The following PRKDC variants were observed in gnomAD, a reference collection of about 807,000 sequenced individuals.
PRKDC encodes DNA-dependent protein kinase catalytic subunit.
In PRKDC, 82 loss-of-function variants were observed where a neutral mutation model predicts 486.9. That is an observed-to-expected ratio of 0.17 (90% confidence interval 0.14 to 0.20). PRKDC has a LOEUF of 0.20. Ranked by LOEUF, PRKDC falls within the 10% of genes least tolerant of loss-of-function variation. The probability of loss-of-function intolerance (pLI) is 1.00; values close to 1 mark genes in which losing one functional copy is unlikely to be tolerated. For missense variants in PRKDC, 4,504 were observed against 5,038.2 expected (o/e 0.89, Z 3.21); for synonymous variants, 1,895 against 1,837.0 (o/e 1.03, Z -0.81).
intron 56 of PRKDC, among the ~76,000 whole-genome samples, chr8:47,838,559 C>G (rs2088075910): frequency 1.3e-5 from 2 of 152,160 alleles, no homozygotes; most frequent in African/African-American, 4.8e-5. Flanking sequence ...CTACAGTGAG[C>G]TACAGTTACA....
chr8:47,853,204 C>T (rs1021092788), intron 51 of PRKDC, among the ~76,000 whole-genome samples: 2 of 152,212 alleles, frequency 1.3e-5, no homozygotes, highest in Non-Finnish European at 2.9e-5. Context: ...CAGGGAGCCA[C>T]CCATTCACTG....
In PRKDC at chr8:47,858,939, C is replaced by T. The variant is rs1347834712; in HGVS notation, c.6255G>A (p.Met2085Ile). ...TVHDDVLELE[M>I]DELNRHECMA... ...TGCACTCATGCCGATTGAGCTCGTC[C>T]ATCTCCAGCTCCAGCACATCATCAT... Residue 2085 changes from methionine (M) to isoleucine (I), a missense_variant, in exon 47 of 86, where the codon ATG becomes ATA. Transcript: ENST00000314191. 1 of 1,613,692 alleles carries T rather than the reference C, an allele frequency of 6.2e-7. No individual in the cohort carries two copies. Among genetic ancestry groups the T allele is most frequent in the Admixed American group, 1.7e-5 (1 of 60,024 alleles).
chr8:47,854,827 T>TA (rs2088495587), intron 50 of PRKDC, among the ~76,000 whole-genome samples: 1 of 152,226 alleles, frequency 6.6e-6, no homozygotes, highest in Non-Finnish European at 1.5e-5. Context: ...CTGGCAATTT[T>TA]ATCGCCCTCG....
chr8:47,829,639 A>C (rs1056535319), intron 61 of PRKDC, among the ~76,000 whole-genome samples: 19 of 152,186 alleles, frequency 1.2e-4, no homozygotes, highest in Middle Eastern at 3.2e-3. Flanking sequence ...ATTTTAGAAA[A>C]TATGGCTAAA....
Position 47,888,999 on chromosome 8 carries a change from G to C in PRKDC, c.4280+15C>G. ...TCCAGGACAACATGTCCCCGATTGTGACCCAAGTACCCACCTCTGTGCTGT... is the reference window on the plus strand; with the variant it reads ...TCCAGGACAACATGTCCCCGATTGTCACCCAAGTACCCACCTCTGTGCTGT... On this transcript the variant is annotated intron_variant, in intron 33 of 85. Transcript: ENST00000314191. The C allele has an allele frequency of 1.9e-6, 3 of 1,608,786 alleles. No individual in the cohort carries two copies. The highest frequency in any genetic ancestry group is 1.7e-6 in the Non-Finnish European group (2 of 1,175,684).
chr8:47,955,713 T>C (rs1475719740), intron 4 of PRKDC, among the ~76,000 whole-genome samples, 161 bp downstream of exon 4: 3 of 152,236 alleles, frequency 2.0e-5, no homozygotes, highest in East Asian at 3.9e-4. Context: ...GCCAGGGTAT[T>C]GTCAGGTGAT....
At chr8:47,883,243 G>C (rs1313437818) in intron 36 of PRKDC, among the ~76,000 whole-genome samples, 2 of 152,210 alleles carry the variant, frequency 1.3e-5, no homozygotes, top group African/African-American at 4.8e-5. Context: ...TCTGGTTCAA[G>C]TCTTGCAATG....
At position 47,929,937 on chromosome 8, in the gene PRKDC, T is replaced by G. The variant is rs375910031; in HGVS notation, c.1968A>C (p.Gln656His). Residue 656 changes from glutamine to histidine, a missense_variant, in exon 18 of 86, where the codon CAA becomes CAC. Around this residue, in one of 6 missense-constraint regions of PRKDC, gnomAD observed 1,969 missense variants for 2,068.9 expected, o/e 0.95. Transcript: ENST00000314191. The stretch of plus-strand genomic sequence containing the variant: ...CACTGATGAGGGGCAACCTTGTAGA[T>G]TGCAAAATTAATTCATATGAAAATG... Reference protein sequence around the residue: ...VYSFSYELILQSTRLPLISGF... With the variant: ...VYSFSYELILHSTRLPLISGF... The G allele has an allele frequency of 2.0e-5, 32 of 1,611,282 alleles. No homozygotes were observed. The African/African-American group carries it at 4.1e-4, about 21-fold the overall frequency.
Position 47,782,559 on chromosome 8 carries a change from T to C in PRKDC, c.11215A>G (p.Ile3739Val). 6.4e-7 allele frequency: 1 copy of C among 1,570,786 alleles called. No individual in the cohort carries two copies. Among genetic ancestry groups the C allele is most frequent in the Non-Finnish European group, 8.6e-7 (1 of 1,158,016 alleles). The change falls in exon 79 of 86, where the codon ATC becomes GTC. Residue 3739 changes from isoleucine (I) to valine (V), a missense_variant. Transcript: ENST00000314191. The surrounding 1 kb of genome is among the most constrained non-coding windows in gnomAD (Gnocchi z 4.9). Reference sequence around the variant, plus strand: ...TCCCTCTCGTCATGGCCACGGATGATGATGCGCTTGGGCCTTCGCAGAGAC... The same window carrying C: ...TCCCTCTCGTCATGGCCACGGATGACGATGCGCTTGGGCCTTCGCAGAGAC... ...MASLRRPKRI[I>V]IRGHDEREHP...
At chr8:47,845,145 C>T (rs1466881403) in intron 54 of PRKDC, among the ~76,000 whole-genome samples, 1 of 152,034 alleles carries the variant, frequency 6.6e-6, no homozygotes, top group Non-Finnish European at 1.5e-5. Flanking sequence ...AGCTTGAACC[C>T]GGGAGGTGGA....
intron 38 of PRKDC, among the ~76,000 whole-genome samples, chr8:47,880,668 TAA>T (rs1450265480): frequency 6.6e-6 from 1 of 152,160 alleles, no homozygotes; most frequent in African/African-American, 2.4e-5. Flanking sequence ...GACTGAGTAA[TAA>T]AGTCATTATA....
At chr8:47,887,240 G>A (rs2089355634) in intron 35 of PRKDC, among the ~76,000 whole-genome samples, 1 of 152,180 alleles carries the variant, frequency 6.6e-6, no homozygotes, top group Non-Finnish European at 1.5e-5. Flanking sequence ...CCACCAAGGA[G>A]AGGAGAAGAG....
intron 3 of PRKDC, 43 bp from the exon 4 acceptor site, chr8:47,955,991 T>TA: frequency 7.1e-7 from 1 of 1,400,588 alleles, no homozygotes; most frequent in Non-Finnish European, 9.9e-7. Flanking sequence ...CAATAAGATA[T>TA]AAAAACTAAG....
intron 35 of PRKDC, among the ~76,000 whole-genome samples, chr8:47,886,687 C>A (rs2089339889): frequency 6.7e-6 from 1 of 149,854 alleles, no homozygotes; most frequent in Admixed American, 6.7e-5. Flanking sequence ...GTCACCCTGC[C>A]CAGCCTTGTT....
Position 47,960,031 on chromosome 8 carries a change from A to G in PRKDC, c.96T>C (p.His32=), listed in dbSNP as rs1430635373. Reference sequence around the variant, plus strand: ...CCTGCCCCAGGCCGCGGATCAGTTGATGACCGGCCAGGGCAGCACCGCAGC... The same window carrying G: ...CCTGCCCCAGGCCGCGGATCAGTTGGTGACCGGCCAGGGCAGCACCGCAGC... ...ADRCGAALAG[H]QLIRGLGQEC... Residue 32 remains histidine (H), a synonymous_variant, in exon 1 of 86, where the codon CAT becomes CAC. Transcript: ENST00000314191. 3.3e-6 allele frequency: 5 copies of G among 1,534,234 alleles called. No individual in the cohort carries two copies. In the South Asian group the frequency reaches 6.0e-5, roughly 18 times the overall value.
At chr8:47,819,289 G>T in intron 67 of PRKDC, 113 bp downstream of exon 67, 1 of 638,766 alleles carries the variant, frequency 1.6e-6, no homozygotes, top group Non-Finnish European at 2.6e-6. Flanking sequence ...ATTCGATGGA[G>T]TTTCCAACCC....
intron 60 of PRKDC, among the ~76,000 whole-genome samples, chr8:47,831,228 G>C (rs1469262581): frequency 6.6e-6 from 1 of 152,224 alleles, no homozygotes; most frequent in Non-Finnish European, 1.5e-5. Context: ...CTTGGGGAGG[G>C]GGCCGGCACA....
chr8:47,867,562 T>C (rs1423935916), intron 40 of PRKDC, among the ~76,000 whole-genome samples: 1 of 152,216 alleles, frequency 6.6e-6, no homozygotes, highest in African/African-American at 2.4e-5. Flanking sequence ...TATGTAATCA[T>C]ACTGGTATTG....
rs749802022 is a variant in PRKDC at position 47,774,014 on chromosome 8, T to G, written c.*159A>C. 1 of 680,784 alleles carries G rather than the reference T, an allele frequency of 1.5e-6. No individual in the cohort carries two copies. The highest frequency in any genetic ancestry group is 2.4e-6 in the Non-Finnish European group (1 of 416,584). 42.2% of individuals were successfully genotyped at this position (680,784 alleles called of 1,614,324 possible). On this transcript the variant is annotated 3_prime_UTR_variant, in exon 86 of 86. Transcript: ENST00000314191. ...TTTGATTTAACCCATACACATTTAC[T>G]CATCATAATCTTGATTTAAACTCAT...
Sources: allele counts gnomAD v4.1 joint callset (sites outside exome capture counted in the v4.1 genomes callset), GRCh38; gene constraint gnomAD v4.1.1; regional missense constraint gnomAD v4.1.1; non-coding constraint Gnocchi (gnomAD v3.1); transcripts MANE v1.5; gene names NCBI Gene and HGNC (gene_info 2026-07-23, HGNC 2026-07-21).